PTPRT: variants seen among roughly 807,000 people sequenced by gnomAD.
The protein encoded by PTPRT is protein tyrosine phosphatase receptor type T.
Under a neutral mutation model 176.8 loss-of-function variants are expected in PTPRT, and 56 were observed. The observed-to-expected ratio is 0.32, with a 90% CI of 0.26 to 0.40. The LOEUF (loss-of-function observed/expected upper bound fraction) is 0.40. Among genes scored for constraint, PTPRT ranks in the 10% least tolerant of loss-of-function variants. The probability of loss-of-function intolerance (pLI) is 1.00; values close to 1 mark genes in which losing one functional copy is unlikely to be tolerated. For missense variants in PTPRT, 1,540 were observed against 1,908.2 expected (o/e 0.81, Z 3.60); for synonymous variants, 783 against 739.0 (o/e 1.06, Z -0.96).
rs1246567022 is a variant in PTPRT, at chr20:43,189,734, C to T, written c.-1G>A. ...GGGCGAGCGCGGCGAGGCTCGCCAT[C>T]CGGGCGGCGGCGGGCAGCTCAGCCC... On this transcript the variant is annotated 5_prime_UTR_variant, in exon 1 of 31. Transcript: ENST00000373187. This position sits in a 1 kb window ranked among gnomAD's most constrained non-coding sequence, Gnocchi z 5.0. 1.6e-6 allele frequency: 2 copies of T among 1,241,664 alleles called. No homozygotes were observed. The highest frequency in any genetic ancestry group is 2.9e-5 in the South Asian group (1 of 35,044). 76.9% of individuals were successfully genotyped at this position (1,241,664 alleles called of 1,614,324 possible). A position where few individuals can be genotyped will look rare whatever the true frequency, so the allele number is the denominator to read the frequency against.
intron 29 of PTPRT, among the ~76,000 whole-genome samples, chr20:42,082,271 T>C (rs1439266572): frequency 2.0e-5 from 3 of 152,234 alleles, no homozygotes; most frequent in Non-Finnish European, 4.4e-5. Flanking sequence ...GGGGTTGGAC[T>C]AGATGACCTT....
At chr20:42,928,641 A>C (rs919594416) in intron 1 of PTPRT, among the ~76,000 whole-genome samples, 1 of 152,192 alleles carries the variant, frequency 6.6e-6, no homozygotes, top group Non-Finnish European at 1.5e-5. Context: ...GGGGTCAAAA[A>C]GAAAGGTGTC....
intron 19 of PTPRT, among the ~76,000 whole-genome samples, chr20:42,120,300 G>A (rs757269692): frequency 6.6e-6 from 1 of 152,132 alleles, no homozygotes; most frequent in African/African-American, 2.4e-5. Context: ...CCAGGTTTAT[G>A]GGGAGCATCA....
At chr20:42,792,048 C>T (rs1368263664) in intron 2 of PTPRT, among the ~76,000 whole-genome samples, 3 of 152,162 alleles carry the variant, frequency 2.0e-5, no homozygotes, top group Non-Finnish European at 4.4e-5. Context: ...CTGGGCTTGC[C>T]GTCTTGCACT....
intron 13 of PTPRT, among the ~76,000 whole-genome samples, chr20:42,279,935 G>A (rs1198717145): frequency 6.6e-6 from 1 of 152,120 alleles, no homozygotes; most frequent in African/African-American, 2.4e-5. Context: ...GGGTCTGGAT[G>A]CCCTCCATCA....
intron 1 of PTPRT, among the ~76,000 whole-genome samples, chr20:42,937,903 C>T (rs770463309): frequency 6.6e-6 from 1 of 152,190 alleles, no homozygotes; most frequent in Non-Finnish European, 1.5e-5. Context: ...CAGATGAGAA[C>T]ACAAGTGACT....
intron 9 of PTPRT, among the ~76,000 whole-genome samples, chr20:42,399,776 A>G (rs2058887556): frequency 6.6e-6 from 1 of 152,238 alleles, no homozygotes; most frequent in African/African-American, 2.4e-5. Flanking sequence ...TTACTGACTC[A>G]TCTTGCACAA....
chr20:42,155,900 C>T (rs1989329650), intron 17 of PTPRT, among the ~76,000 whole-genome samples: 1 of 152,210 alleles, frequency 6.6e-6, no homozygotes, highest in Non-Finnish European at 1.5e-5. Context: ...GAAAGTCCTG[C>T]TCTCTTCGAT....
At chr20:42,419,266 G>C (rs2059094657) in intron 9 of PTPRT, among the ~76,000 whole-genome samples, 1 of 152,202 alleles carries the variant, frequency 6.6e-6, no homozygotes, top group Non-Finnish European at 1.5e-5. Flanking sequence ...GCTCACCAGG[G>C]CTGGAATAAA....
chr20:42,201,378 A>G (rs1373405024), intron 15 of PTPRT, among the ~76,000 whole-genome samples: 1 of 152,190 alleles, frequency 6.6e-6, no homozygotes, highest in Non-Finnish European at 1.5e-5. Flanking sequence ...GAGTTCACAT[A>G]GGACAAATTC....
intron 9 of PTPRT, among the ~76,000 whole-genome samples, chr20:42,442,528 G>A (rs2059325528): frequency 6.6e-6 from 1 of 152,176 alleles, no homozygotes; most frequent in Non-Finnish European, 1.5e-5. Context: ...TGCCTCATTA[G>A]GGTCTTCTCA....
intron 1 of PTPRT, among the ~76,000 whole-genome samples, chr20:42,993,692 C>T (rs1157087073): frequency 2.0e-5 from 3 of 151,708 alleles, no homozygotes; most frequent in African/African-American, 7.3e-5. Context: ...TTTGCTCACA[C>T]ACTCCTTGGA....
chr20:42,382,198 A>G (rs1269629060), intron 9 of PTPRT, among the ~76,000 whole-genome samples: 1 of 152,208 alleles, frequency 6.6e-6, no homozygotes, highest in Non-Finnish European at 1.5e-5. Flanking sequence ...GGTGAGCTGC[A>G]TTGTTCTGTT....
intron 2 of PTPRT, among the ~76,000 whole-genome samples, chr20:42,843,844 A>G (rs151092248): frequency 5.1e-4 from 77 of 152,362 alleles, no homozygotes; most frequent in African/African-American, 1.8e-3. Context: ...AGTGACCTTA[A>G]AAAGCACATC....
intron 9 of PTPRT, among the ~76,000 whole-genome samples, chr20:42,383,343 T>C (rs1440332107): frequency 1.3e-5 from 2 of 151,924 alleles, no homozygotes; most frequent in Non-Finnish European, 2.9e-5. Flanking sequence ...ATGGCTTATG[T>C]GACTGTGAGT....
rs8118542 is a variant in PTPRT at position 42,355,674 on chromosome 20, G to A, written c.1561-3389C>T. On this transcript the variant is annotated intron_variant, in intron 9 of 30. Coordinates refer to ENST00000373187, the MANE Select transcript of PTPRT (RefSeq NM_007050.6). ...TCCACTGTGGCAGAAAAGGGGAGAT[G>A]TACAGACAGTTCAGCCTGTAGCCAC... Among the ~76,000 whole-genome samples, 686 of 152,288 alleles carry A rather than the reference G, an allele frequency of 4.5e-3. 5 individuals carry two copies. The highest frequency in any genetic ancestry group is 0.016 in the African/African-American group (650 of 41,566).
chr20:42,556,917 C>G (rs563693756), intron 7 of PTPRT, among the ~76,000 whole-genome samples: 10 of 152,228 alleles, frequency 6.6e-5, no homozygotes, highest in African/African-American at 2.2e-4. Context: ...AGAGCTACTC[C>G]GCACCAGGGT....
At chr20:42,427,048 C>T (rs1250361425) in intron 9 of PTPRT, among the ~76,000 whole-genome samples, 2 of 152,146 alleles carry the variant, frequency 1.3e-5, no homozygotes, top group African/African-American at 4.8e-5. Context: ...TGGCCCCACC[C>T]CTGAAGTTTC....
At chr20:42,594,190 G>C (rs971481947) in intron 7 of PTPRT, among the ~76,000 whole-genome samples, 9 of 152,160 alleles carry the variant, frequency 5.9e-5, no homozygotes, top group Admixed American at 1.3e-4. Flanking sequence ...AGGGGATTAA[G>C]AACAAGGAGT....
Sources: allele counts gnomAD v4.1 joint callset (sites outside exome capture counted in the v4.1 genomes callset), GRCh38; gene constraint gnomAD v4.1.1; non-coding constraint Gnocchi (gnomAD v3.1); transcripts MANE v1.5; gene names NCBI Gene and HGNC (gene_info 2026-07-23, HGNC 2026-07-21).